ZCCHC7: variants seen among roughly 807,000 people sequenced by gnomAD.
The protein encoded by ZCCHC7 is zinc finger CCHC domain-containing protein 7.
Under a neutral mutation model 52.0 loss-of-function variants are expected in ZCCHC7, and 35 were observed. The observed-to-expected ratio is 0.67, with a 90% CI of 0.51 to 0.89. The LOEUF (loss-of-function observed/expected upper bound fraction) is 0.89, where lower values mean the gene tolerates loss of function less well. ZCCHC7 is among the 40% of genes least tolerant of loss of function. ZCCHC7 has a pLI of 0.00. For synonymous variants in ZCCHC7, 217 were observed against 221.5 expected, an observed-to-expected ratio of 0.98 and a Z score of 0.18; for missense variants, 574 against 649.1, an observed-to-expected ratio of 0.88 and a Z score of 1.26.
intron 2 of ZCCHC7, among the ~76,000 whole-genome samples, chr9:37,151,621 A>G (rs1820535822): frequency 6.6e-6 from 1 of 152,064 alleles, no homozygotes; most frequent in African/African-American, 2.4e-5. Context: ...CCTGGCAAAC[A>G]TGGTGAAACC....
At chr9:37,277,142 A>C (rs1196641645) in intron 2 of ZCCHC7, among the ~76,000 whole-genome samples, 1 of 152,234 alleles carries the variant, frequency 6.6e-6, no homozygotes, top group Non-Finnish European at 1.5e-5. Context: ...TGAAGAGTGG[A>C]AGATTTTGTA....
At chr9:37,311,152 G>GACCATTGC (rs1291949259) in intron 5 of ZCCHC7, among the ~76,000 whole-genome samples, 2 of 152,030 alleles carry the variant, frequency 1.3e-5, no homozygotes, top group Non-Finnish European at 2.9e-5. Flanking sequence ...GCTCACAAGA[G>GACCATTGC]ACCATTGCAG....
At chr9:37,125,678 AGTTTT>A (rs1353385649) in intron 1 of ZCCHC7, among the ~76,000 whole-genome samples, 2 of 152,234 alleles carry the variant, frequency 1.3e-5, no homozygotes, top group Admixed American at 6.5e-5. Context: ...AGCTGCTTTA[AGTTTT>A]GTTTTAACAT....
intron 2 of ZCCHC7, among the ~76,000 whole-genome samples, chr9:37,209,340 AT>A (rs890566180): frequency 4.7e-5 from 7 of 148,692 alleles, no homozygotes; most frequent in Admixed American, 1.3e-4. Context: ...ACGCCTGGCC[AT>A]TTTTTTTTTA....
chr9:37,305,821 T>G, intron 5 of ZCCHC7, 107 bp downstream of exon 5: 1 of 1,119,164 alleles, frequency 8.9e-7, no homozygotes, highest in East Asian at 2.6e-5. Flanking sequence ...AAAGGAATGT[T>G]TACTCCGTGA....
intron 2 of ZCCHC7, among the ~76,000 whole-genome samples, chr9:37,139,749 C>G (rs567459059): frequency 1.3e-5 from 2 of 151,904 alleles, no homozygotes; most frequent in African/African-American, 4.8e-5. Context: ...TTATAACCAC[C>G]TCAGTGTGAA....
At chr9:37,172,556 C>T (rs1362892817) in intron 2 of ZCCHC7, among the ~76,000 whole-genome samples, 1 of 152,188 alleles carries the variant, frequency 6.6e-6, no homozygotes, top group African/African-American at 2.4e-5. Context: ...TGCAGTGGTT[C>T]ATAAAGTACT....
chr9:37,309,235 A>G (rs192189298), intron 5 of ZCCHC7, among the ~76,000 whole-genome samples: 292 of 152,280 alleles, frequency 1.9e-3, no homozygotes, highest in Admixed American at 4.4e-3. Flanking sequence ...GGCAAGGCTC[A>G]TAGTCCTTCC....
At chr9:37,263,351 T>C (rs1826953243) in intron 2 of ZCCHC7, among the ~76,000 whole-genome samples, 2 of 152,110 alleles carry the variant, frequency 1.3e-5, no homozygotes, top group South Asian at 4.1e-4. Flanking sequence ...TATACCCTTA[T>C]ATTTTGTATT....
chr9:37,296,107 A>G (rs1442239898), intron 2 of ZCCHC7, among the ~76,000 whole-genome samples: 2 of 152,202 alleles, frequency 1.3e-5, no homozygotes, highest in Admixed American at 6.5e-5. Flanking sequence ...GCCTAAATAC[A>G]TTGATTTTGA....
At chr9:37,143,942 C>T (rs1843332467) in intron 2 of ZCCHC7, among the ~76,000 whole-genome samples, 1 of 151,670 alleles carries the variant, frequency 6.6e-6, no homozygotes, top group Non-Finnish European at 1.5e-5. Flanking sequence ...TATTTTGCGG[C>T]AGACAGTTTA....
intron 2 of ZCCHC7, among the ~76,000 whole-genome samples, chr9:37,216,263 G>T (rs1025180489): frequency 6.6e-6 from 1 of 152,170 alleles, no homozygotes; most frequent in African/African-American, 2.4e-5. Flanking sequence ...AAAAATGTTT[G>T]TGAGCATGAA....
intron 2 of ZCCHC7, among the ~76,000 whole-genome samples, chr9:37,294,729 C>G (rs564615981): frequency 7.2e-5 from 11 of 151,944 alleles, no homozygotes; most frequent in Non-Finnish European, 1.3e-4. Context: ...TTTTTCTTTT[C>G]AATTTTATTT....
At chr9:37,121,696 A>G (rs1222926680) in intron 1 of ZCCHC7, 1 of 152,210 alleles carries the variant, frequency 6.6e-6, no homozygotes, top group African/African-American at 2.4e-5. Context: ...TGACCGAAGG[A>G]AAAGGGCTAA....
chr9:37,136,407 TTTG>T (rs551231527), intron 2 of ZCCHC7, among the ~76,000 whole-genome samples: 17 of 152,196 alleles, frequency 1.1e-4, no homozygotes, highest in East Asian at 9.6e-4. Flanking sequence ...TTTGTTGTTG[TTTG>T]TTGTTGTTGT....
intron 6 of ZCCHC7, among the ~76,000 whole-genome samples, chr9:37,337,608 T>C (rs991140639): frequency 6.6e-6 from 1 of 152,166 alleles, no homozygotes; most frequent in Admixed American, 6.5e-5. Flanking sequence ...AAAGGTTTTA[T>C]CGGCTGGTCT....
At chr9:37,131,888 C>T (rs1449851784) in intron 2 of ZCCHC7, among the ~76,000 whole-genome samples, 1 of 152,098 alleles carries the variant, frequency 6.6e-6, no homozygotes, top group African/African-American at 2.4e-5. Flanking sequence ...GGTGGTTTTG[C>T]CTGTAGTAAA....
At chr9:37,122,806 G>A (rs752144629) in intron 1 of ZCCHC7, among the ~76,000 whole-genome samples, 2 of 152,154 alleles carry the variant, frequency 1.3e-5, no homozygotes, top group African/African-American at 4.8e-5. Flanking sequence ...GCGTGGTGGC[G>A]CGTGCCTGTA....
intron 2 of ZCCHC7, among the ~76,000 whole-genome samples, chr9:37,207,066 C>T (rs1454091193): frequency 1.3e-5 from 2 of 152,032 alleles, no homozygotes; most frequent in African/African-American, 2.4e-5. Flanking sequence ...TTTGAGGCTA[C>T]AGTGAGCTAT....
Sources: allele counts gnomAD v4.1 joint callset (sites outside exome capture counted in the v4.1 genomes callset), GRCh38; gene constraint gnomAD v4.1.1; transcripts MANE v1.5; gene names NCBI Gene and HGNC (gene_info 2026-07-23, HGNC 2026-07-21).